The following MELK variants were observed in gnomAD, a reference collection of about 807,000 sequenced individuals.
The protein encoded by MELK is maternal embryonic leucine zipper kinase, also known as pEg3 kinase.
In MELK, 81 loss-of-function variants were observed where a neutral mutation model predicts 85.0. The observed-to-expected ratio is 0.95, with a 90% CI of 0.80 to 1.15. MELK has a LOEUF of 1.15. Ranked by LOEUF, MELK falls within the 50% of genes most tolerant of loss-of-function variation. The pLI is 0.00. For missense variants in MELK, 754 were observed against 777.5 expected, an observed-to-expected ratio of 0.97 and a Z score of 0.36; for synonymous variants, 252 against 265.0, an observed-to-expected ratio of 0.95 and a Z score of 0.48.
intron 1 of MELK, among the ~76,000 whole-genome samples, chr9:36,577,079 A>G (rs939902711): frequency 6.6e-6 from 1 of 152,014 alleles, no homozygotes; most frequent in African/African-American, 2.4e-5. Context: ...TTGAACTCAC[A>G]CTCTAGGTCT....
At chr9:36,645,774 C>G (rs527952093) in intron 11 of MELK, among the ~76,000 whole-genome samples, 2 of 152,284 alleles carry the variant, frequency 1.3e-5, no homozygotes, top group Admixed American at 1.3e-4. Context: ...CTGTGGTACG[C>G]AGCCAGAGTC....
At chr9:36,623,502 A>T (rs1473346204) in intron 8 of MELK, among the ~76,000 whole-genome samples, 1 of 152,172 alleles carries the variant, frequency 6.6e-6, no homozygotes, top group African/African-American at 2.4e-5. Flanking sequence ...AGGCCTTATG[A>T]CCCACTTGTG....
chr9:36,651,700 C>A, intron 11 of MELK, 46 bp from the exon 12 acceptor site: 1 of 1,581,570 alleles, frequency 6.3e-7, no homozygotes, highest in Non-Finnish European at 8.6e-7. Context: ...ACATCATTTC[C>A]ACAAACAAGT....
chr9:36,645,007 G>T (rs1205110972), intron 11 of MELK, among the ~76,000 whole-genome samples: 2 of 152,120 alleles, frequency 1.3e-5, no homozygotes, highest in African/African-American at 2.4e-5. Flanking sequence ...GGTGGCTCAT[G>T]CCTGTAATGT....
At position 36,596,775 on chromosome 9, in the gene MELK, G is replaced by A. The variant is rs181901725; in HGVS notation, c.406-447G>A. On this transcript the variant is annotated intron_variant, in intron 5 of 17. Coordinates refer to ENST00000298048, the MANE Select transcript of MELK (RefSeq NM_014791.4). ...CTAATTTTGTATTTTTAGTAGAGAC[G>A]GGGTTTCTCCATGTTGGTCAGGCTG... Among the ~76,000 whole-genome samples, 405 of 150,992 alleles carry A rather than the reference G, an allele frequency of 2.7e-3. 1 individual carries two copies. Among genetic ancestry groups the A allele is most frequent in the Non-Finnish European group, 4.2e-3 (283 of 67,830 alleles).
At chr9:36,576,599 G>A (rs113841434) in intron 1 of MELK, among the ~76,000 whole-genome samples, 1 of 151,972 alleles carries the variant, frequency 6.6e-6, no homozygotes, top group Admixed American at 6.6e-5. Context: ...TGGCGTGATC[G>A]CGGGTCACTG....
At chr9:36,614,424 G>GTTTTT (rs1399561249) in intron 8 of MELK, among the ~76,000 whole-genome samples, 25 of 47,088 alleles carry the variant, frequency 5.3e-4, no homozygotes, top group African/African-American at 2.3e-3. Flanking sequence ...ATTATTTTTG[G>GTTTTT]GTTTTTTTTT....
intron 1 of MELK, among the ~76,000 whole-genome samples, chr9:36,576,527 C>G (rs1821661630): frequency 6.6e-6 from 1 of 151,742 alleles, no homozygotes; most frequent in African/African-American, 2.4e-5. Context: ...ATTCATTGAC[C>G]AAATTTTTTT....
intron 1 of MELK, among the ~76,000 whole-genome samples, chr9:36,575,003 G>A (rs1033959459): frequency 6.6e-5 from 10 of 152,124 alleles, no homozygotes; most frequent in African/African-American, 2.4e-4. Flanking sequence ...GGGCGTGGTG[G>A]CGCACACCTG....
At chr9:36,583,468 C>A (rs114045159) in intron 2 of MELK, among the ~76,000 whole-genome samples, 159 bp from the exon 3 acceptor site, 4,307 of 147,238 alleles carry the variant, frequency 0.029, 213 homozygotes, top group African/African-American at 0.1. Context: ...AAAAAAAAAA[C>A]CTTCAGCTAG....
chr9:36,625,028 T>C (rs1356852123), intron 8 of MELK, among the ~76,000 whole-genome samples: 1 of 152,138 alleles, frequency 6.6e-6, no homozygotes, highest in Non-Finnish European at 1.5e-5. Flanking sequence ...TGGAGAGTGA[T>C]GGGTTAAAAC....
At chr9:36,657,171 G>A (rs976168567) in intron 12 of MELK, 70 bp from the exon 13 acceptor site, 31 of 1,491,026 alleles carry the variant, frequency 2.1e-5, no homozygotes, top group Non-Finnish European at 2.5e-5. Context: ...GTTAAGTGAC[G>A]CGTGACTGTA....
intron 15 of MELK, among the ~76,000 whole-genome samples, chr9:36,670,355 T>C (rs1174855358): frequency 2.0e-5 from 3 of 152,162 alleles, no homozygotes; most frequent in African/African-American, 7.2e-5. Context: ...GGATAAAATA[T>C]GCCTAATAAA....
At chr9:36,615,079 C>CT (rs1272747794) in intron 8 of MELK, among the ~76,000 whole-genome samples, 7 of 143,618 alleles carry the variant, frequency 4.9e-5, no homozygotes, top group Non-Finnish European at 1.1e-4. Context: ...TGACCCCCCC[C>CT]CCACCTCCCT....
chr9:36,595,607 T>G (rs1824137853), intron 5 of MELK, among the ~76,000 whole-genome samples: 2 of 1,692 alleles, frequency 1.2e-3, no homozygotes, highest in Non-Finnish European at 4.5e-3. Flanking sequence ...AATGTCTTGT[T>G]TTTTTTTTTT....
chr9:36,586,291 G>T (rs749483569), intron 3 of MELK, among the ~76,000 whole-genome samples: 1 of 151,492 alleles, frequency 6.6e-6, no homozygotes, highest in Non-Finnish European at 1.5e-5. Flanking sequence ...GCAGTGAGCC[G>T]AGATGGTGCC....
intron 4 of MELK, 86 bp downstream of exon 4, chr9:36,589,738 G>C: frequency 1.0e-6 from 1 of 999,348 alleles, no homozygotes; most frequent in East Asian, 2.4e-5. Flanking sequence ...TGAAAGATTA[G>C]AAGAGATGTT....
intron 5 of MELK, among the ~76,000 whole-genome samples, chr9:36,595,805 T>C (rs1824160036): frequency 1.3e-5 from 2 of 152,004 alleles, no homozygotes; most frequent in African/African-American, 4.8e-5. Flanking sequence ...TATGTATGTA[T>C]GTATTTATTT....
chr9:36,595,261 G>A (rs965139595), intron 5 of MELK, among the ~76,000 whole-genome samples: 2 of 151,374 alleles, frequency 1.3e-5, no homozygotes, highest in African/African-American at 2.4e-5. Flanking sequence ...TCAGCCTCCC[G>A]AGTGGCTGGG....
Sources: gnomAD v4.1 joint callset for allele counts (sites outside exome capture counted in the v4.1 genomes callset) on GRCh38, gnomAD v4.1.1 for gene constraint, MANE v1.5 for transcripts, NCBI Gene and HGNC (gene_info 2026-07-23, HGNC 2026-07-21) for gene names.